Variants in MROH2A observed in about 807,000 individuals in gnomAD.
MROH2A encodes the protein maestro heat like repeat family member 2A, also known as maestro heat-like repeat-containing protein family member 2A.
A neutral mutation model predicts 200.4 loss-of-function variants in MROH2A; 174 were observed. The ratio of observed to expected loss-of-function variants is 0.87; its 90% CI spans 0.77 to 0.98. The LOEUF (loss-of-function observed/expected upper bound fraction) is 0.98, where lower values mean the gene tolerates loss of function less well. Among genes scored for constraint, MROH2A ranks in the 50% least tolerant of loss-of-function variants. MROH2A has a pLI of 0.00. For synonymous variants in MROH2A, 829 were observed against 840.4 expected (o/e 0.99, Z 0.23); for missense variants, 2,045 against 2,139.6 (o/e 0.96, Z 0.87).
chr2:233,826,378 A>G (rs766684795), intron 35 of MROH2A, among the ~76,000 whole-genome samples: 1 of 152,236 alleles, frequency 6.6e-6, no homozygotes, highest in Non-Finnish European at 1.5e-5. Flanking sequence ...ACAGATACAC[A>G]GACCAATGGA....
rs571435322 is a variant in MROH2A, at chr2:233,814,458, A to G, written c.2761-124A>G. 7 of 624,912 alleles carry G rather than the reference A, an allele frequency of 1.1e-5. No homozygotes were observed. In the African/African-American group the frequency reaches 1.3e-4, roughly 12 times the overall value. 38.7% of individuals were successfully genotyped at this position (624,912 alleles called of 1,614,324 possible). On this transcript the variant is annotated intron_variant, in intron 25 of 41. Coordinates refer to ENST00000389758, the MANE Select transcript of MROH2A (RefSeq NM_001394639.1). The stretch of plus-strand genomic sequence containing the variant: ...TTCACTTGAGAAAATAAGTGTCAAG[A>G]GCTCAGACTGAACAGAAGTTAGTGG...
chr2:233,823,804 A>C, intron 35 of MROH2A, 140 bp downstream of exon 35: 2 of 1,051,128 alleles, frequency 1.9e-6, no homozygotes, highest in Non-Finnish European at 2.7e-6. Context: ...TCATTCTCTC[A>C]TCTGCTCCTT....
At chr2:233,802,076 G>A (rs1702507826) in intron 14 of MROH2A, 92 bp from the exon 15 acceptor site, 2 of 1,344,784 alleles carry the variant, frequency 1.5e-6, no homozygotes, top group Admixed American at 2.6e-5. Context: ...AAGCAGGGAT[G>A]GGATGGCACC....
At position 233,810,843 on chromosome 2, in the gene MROH2A, AG is replaced by A. The variant is rs1226412485; in HGVS notation, c.2500del (p.Ala834ProfsTer23). The A allele has an allele frequency of 6.4e-7, 1 of 1,550,470 alleles. No homozygotes were observed. ...AFMKSVVQVT[K>X]AINNIKDLED... is the part of the protein sequence containing the mutation. Reference sequence around the variant, plus strand: ...ATGAAGAGTGTTGTGCAGGTTACCAAGGCCATCAACAACATCAAGGACCTGG... The same window carrying A: ...ATGAAGAGTGTTGTGCAGGTTACCAAGCCATCAACAACATCAAGGACCTGG... On this transcript the variant is annotated frameshift_variant, in exon 23 of 42. Coordinates refer to ENST00000389758, the MANE Select transcript of MROH2A (RefSeq NM_001394639.1). LOFTEE classifies it high-confidence loss of function.
intron 7 of MROH2A, among the ~76,000 whole-genome samples, 190 bp downstream of exon 7, chr2:233,794,014 C>G (rs1009697291): frequency 6.6e-6 from 1 of 152,176 alleles, no homozygotes; most frequent in Non-Finnish European, 1.5e-5. Context: ...GAGCCTCATC[C>G]ACGAGGCCAG....
Position 233,779,285 on chromosome 2 carries a change from G to A in MROH2A, c.-14-60G>A, listed in dbSNP as rs878919054. On this transcript the variant is annotated intron_variant, in intron 1 of 41. Transcript: ENST00000389758. ...GCTTTATGGAAGGGTGTGGGTCGTT[G>A]GGGTCATCTTAAGGTGTGTGTCACA... The A allele has an allele frequency of 1.4e-5, 15 of 1,064,828 alleles. No individual in the cohort carries two copies. The South Asian group carries it at 1.8e-4, about 13-fold the overall frequency. 66.0% of individuals were successfully genotyped at this position (1,064,828 alleles called of 1,614,324 possible). A position where few individuals can be genotyped will look rare whatever the true frequency, so the allele number is the denominator to read the frequency against.
chr2:233,792,398 C>T (rs1395149683), intron 5 of MROH2A, among the ~76,000 whole-genome samples: 9 of 151,656 alleles, frequency 5.9e-5, no homozygotes, highest in Admixed American at 4.6e-4. Flanking sequence ...CTGCAAGCTC[C>T]GCCTCCCGGG....
intron 30 of MROH2A, 129 bp from the exon 31 acceptor site, chr2:233,819,773 G>T: frequency 9.7e-7 from 1 of 1,035,128 alleles, no homozygotes; most frequent in Non-Finnish European, 1.4e-6. Flanking sequence ...ACTAGAGAGG[G>T]TGCTGGGCGC....
At chr2:233,793,532 G>A in intron 6 of MROH2A, 141 bp from the exon 7 acceptor site, 1 of 681,220 alleles carries the variant, frequency 1.5e-6, no homozygotes, top group East Asian at 3.4e-5. Context: ...TGAAGGTGCT[G>A]TGGGGGGTTG....
intron 8 of MROH2A, 170 bp from the exon 9 acceptor site, chr2:233,795,483 C>T: frequency 7.7e-6 from 8 of 1,043,916 alleles, no homozygotes; most frequent in Non-Finnish European, 4.2e-6. Context: ...GGGTGAAATG[C>T]AGGCTTGGAT....
Position 233,833,289 on chromosome 2 carries a change from T to A in MROH2A, c.*30T>A, listed in dbSNP as rs1386382639. 6.7e-7 allele frequency: 1 copy of A among 1,488,296 alleles called. No homozygotes were observed. Among genetic ancestry groups the A allele is most frequent in the Non-Finnish European group, 8.9e-7 (1 of 1,120,610 alleles). The allele number at this position is 1,488,296 out of a possible 1,614,324, so 92.2% of individuals were successfully genotyped here. A position where few individuals can be genotyped will look rare whatever the true frequency, so the allele number is the denominator to read the frequency against. The stretch of plus-strand genomic sequence containing the variant: ...TCCAAACATAAGACGTAAACTGTCT[T>A]CTTAGTGCCAAATGCAAGCCCTTTT... On this transcript the variant is annotated 3_prime_UTR_variant, in exon 42 of 42. Coordinates refer to ENST00000389758, the MANE Select transcript of MROH2A (RefSeq NM_001394639.1).
intron 22 of MROH2A, 46 bp from the exon 23 acceptor site, chr2:233,810,748 G>A (rs913820340): frequency 6.5e-7 from 1 of 1,544,404 alleles, no homozygotes; most frequent in Non-Finnish European, 8.7e-7. Context: ...TTCTTCTGGG[G>A]CTGCTCACAA....
At chr2:233,803,881 T>C (rs979217991) in intron 16 of MROH2A, among the ~76,000 whole-genome samples, 170 bp from the exon 17 acceptor site, 1 of 152,066 alleles carries the variant, frequency 6.6e-6, no homozygotes, top group African/African-American at 2.4e-5. Flanking sequence ...CTAGCCCCCA[T>C]CCCCCATCCT....
At chr2:233,816,624 A>G (rs1703549452) in intron 26 of MROH2A, among the ~76,000 whole-genome samples, 157 bp from the exon 27 acceptor site, 1 of 152,210 alleles carries the variant, frequency 6.6e-6, no homozygotes, top group Non-Finnish European at 1.5e-5. Context: ...TTCCCTGCCT[A>G]CAGCCTCATC....
At chr2:233,822,325 TG>T in intron 32 of MROH2A, 37 bp from the exon 33 acceptor site, 1 of 1,548,458 alleles carries the variant, frequency 6.5e-7, no homozygotes. Flanking sequence ...CAGGGGTCTC[TG>T]GGTAGGAGCC....
chr2:233,776,647 A>T (rs2126072566), upstream of MROH2A, among the ~76,000 whole-genome samples: 1 of 152,246 alleles, frequency 6.6e-6, no homozygotes, highest in African/African-American at 2.4e-5. Flanking sequence ...TCCTCTGTAG[A>T]TAACATGCTC....
intron 3 of MROH2A, among the ~76,000 whole-genome samples, chr2:233,782,133 G>A (rs757778909): frequency 6.6e-6 from 1 of 152,152 alleles, no homozygotes; most frequent in Non-Finnish European, 1.5e-5. Flanking sequence ...TGGCTTTAAA[G>A]TATATTTTGA....
rs574095814 is a variant in MROH2A at position 233,832,654 on chromosome 2, GGA to G, written c.4903+14_4903+15del. 548 of 1,542,282 alleles carry G rather than the reference GGA, an allele frequency of 3.6e-4. 2 individuals carry two copies. Among genetic ancestry groups the G allele is most frequent in the Middle Eastern group, 1.5e-3 (9 of 5,982 alleles). On this transcript the variant is annotated intron_variant, in intron 41 of 41. Transcript: ENST00000389758. The stretch of plus-strand genomic sequence containing the variant: ...CCAGCATTACGGAATTGTGAGTAGT[GGA>G]GAGTGTTAGATGTTGAGTCCACGAC...
Position 233,829,759 on chromosome 2 carries a change from G to A in MROH2A, c.4586G>A (p.Cys1529Tyr). The A allele has an allele frequency of 7.2e-7, 1 of 1,395,786 alleles. No homozygotes were observed. Among genetic ancestry groups the A allele is most frequent in the Non-Finnish European group, 9.3e-7 (1 of 1,069,596 alleles). The allele number at this position is 1,395,786 out of a possible 1,614,324, so 86.5% of individuals were successfully genotyped here. A position where few individuals can be genotyped will look rare whatever the true frequency, so the allele number is the denominator to read the frequency against. ...CTCATGCTGCACTCCCAGGACCCCT[G>A]CTCCAATGCAGCCCAAGTAAGATAC... is the stretch of plus-strand genomic sequence containing the variant. ...IPLMLHSQDP[C>Y]SNAAQACMAT... is the part of the protein sequence containing the mutation. Residue 1529 changes from cysteine (C) to tyrosine (Y), a missense_variant, in exon 38 of 42, where the codon TGC (cysteine) becomes TAC (tyrosine). By Grantham distance (194) the Cys-to-Tyr change is radical (BLOSUM62 -2). Coordinates refer to ENST00000389758, the MANE Select transcript of MROH2A (RefSeq NM_001394639.1).
Sources: allele counts gnomAD v4.1 joint callset (sites outside exome capture counted in the v4.1 genomes callset), GRCh38; gene constraint gnomAD v4.1.1; transcripts MANE v1.5; gene names NCBI Gene and HGNC (gene_info 2026-07-23, HGNC 2026-07-21).